PRKG1: variants seen among roughly 807,000 people sequenced by gnomAD.
The protein encoded by PRKG1 is protein kinase cGMP-dependent 1, also known as cGMP-dependent protein kinase 1.
PRKG1 carries 35 observed loss-of-function variants against 88.1 expected under a neutral mutation model. That is an observed-to-expected ratio of 0.40 (90% CI 0.30 to 0.53). PRKG1 has a LOEUF of 0.53. Among genes scored for constraint, PRKG1 ranks in the 20% least tolerant of loss-of-function variants. The pLI, the probability that PRKG1 is intolerant of heterozygous loss-of-function variation, is 0.59. For missense variants in PRKG1, 540 were observed against 839.8 expected (o/e 0.64, Z 4.41); for synonymous variants, 303 against 292.5 (o/e 1.04, Z -0.37).
chr10:52,017,372 G>A (rs1466780850), intron 5 of PRKG1, among the ~76,000 whole-genome samples: 1 of 152,170 alleles, frequency 6.6e-6, no homozygotes, highest in Non-Finnish European at 1.5e-5. Flanking sequence ...TTGAACAGGT[G>A]CATTATGATG....
intron 2 of PRKG1, among the ~76,000 whole-genome samples, chr10:51,226,903 G>A (rs1255345136): frequency 1.3e-5 from 2 of 152,082 alleles, no homozygotes; most frequent in African/African-American, 4.8e-5. Context: ...TTTTTCAGGA[G>A]ATACTCAACT....
chr10:52,084,709 G>T (rs140947520), intron 7 of PRKG1, among the ~76,000 whole-genome samples: 212 of 152,038 alleles, frequency 1.4e-3, no homozygotes, highest in African/African-American at 4.8e-3. Context: ...TGACTATACA[G>T]TTAACAAGTT....
intron 3 of PRKG1, among the ~76,000 whole-genome samples, chr10:51,579,885 A>C (rs1321376546): frequency 1.3e-5 from 2 of 152,156 alleles, no homozygotes; most frequent in East Asian, 3.9e-4. Context: ...AAGAAAATGT[A>C]GATTAAATGG....
intron 2 of PRKG1, among the ~76,000 whole-genome samples, chr10:51,364,796 C>T (rs1000535382): frequency 4.0e-5 from 6 of 151,770 alleles, no homozygotes; most frequent in African/African-American, 1.5e-4. Context: ...GTGGCTTTAT[C>T]ACGATTAGGA....
At position 52,295,530 on chromosome 10, in the gene PRKG1, C is replaced by A. The variant is rs2132471968; in HGVS notation, c.*1630C>A. On this transcript the variant is annotated 3_prime_UTR_variant, in exon 18 of 18. Coordinates refer to ENST00000373980, the MANE Select transcript of PRKG1 (RefSeq NM_006258.4). ...CATAAGTAACTCAGCCATTTGGAAG[C>A]ATTTCCTGGACAAAATTACATTATA... 6.6e-6 allele frequency: 1 copy of A among 152,072 alleles called. No homozygotes were observed. Among genetic ancestry groups the A allele is most frequent in the African/African-American group, 2.4e-5 (1 of 41,538 alleles). The allele number at this position is 152,072 out of a possible 1,614,324, so 9.4% of individuals were successfully genotyped here.
At chr10:51,253,904 T>C (rs16915908) in intron 2 of PRKG1, among the ~76,000 whole-genome samples, 6,178 of 152,066 alleles carry the variant, frequency 0.041, 199 homozygotes, top group African/African-American at 0.089. Flanking sequence ...TATCAACAGT[T>C]GCATATTGTT....
At chr10:51,621,443 T>C (rs546736173) in intron 3 of PRKG1, among the ~76,000 whole-genome samples, 1 of 152,118 alleles carries the variant, frequency 6.6e-6, no homozygotes, top group Non-Finnish European at 1.5e-5. Flanking sequence ...TGTAACTGCA[T>C]TGTCTCAAGA....
intron 5 of PRKG1, among the ~76,000 whole-genome samples, chr10:52,026,450 A>G (rs1230374389): frequency 6.6e-6 from 1 of 152,208 alleles, no homozygotes; most frequent in Admixed American, 6.5e-5. Flanking sequence ...AAGATACCAA[A>G]CACAAAAGAC....
At chr10:51,797,834 A>C (rs1048509943) in intron 3 of PRKG1, among the ~76,000 whole-genome samples, 6 of 151,780 alleles carry the variant, frequency 4.0e-5, no homozygotes, top group African/African-American at 1.2e-4. Flanking sequence ...AGTAACTACT[A>C]TTCTACTTTT....
intron 5 of PRKG1, among the ~76,000 whole-genome samples, chr10:51,942,861 T>C (rs1324233574): frequency 6.6e-6 from 1 of 150,542 alleles, no homozygotes; most frequent in Non-Finnish European, 1.5e-5. Context: ...TGTAGCCTTG[T>C]AGTATAGTTT....
chr10:51,542,503 CTG>C (rs1385383977), intron 3 of PRKG1, among the ~76,000 whole-genome samples: 5 of 152,222 alleles, frequency 3.3e-5, no homozygotes, highest in African/African-American at 1.2e-4. Context: ...AACTGACAAA[CTG>C]TAATCTTTCT....
intron 9 of PRKG1, among the ~76,000 whole-genome samples, chr10:52,206,779 C>T (rs1197207470): frequency 1.3e-5 from 2 of 152,184 alleles, no homozygotes; most frequent in Admixed American, 1.3e-4. Flanking sequence ...AGGTTAGGAA[C>T]CTGCTGCACT....
chr10:51,544,977 A>G (rs1372329436), intron 3 of PRKG1, among the ~76,000 whole-genome samples: 1 of 151,966 alleles, frequency 6.6e-6, no homozygotes, highest in Non-Finnish European at 1.5e-5. Flanking sequence ...AATCAAAACC[A>G]CAATGAGGTT....
Position 52,175,174 on chromosome 10 carries a change from G to A in PRKG1, c.1076+13211G>A, listed in dbSNP as rs544318128. ...TTCCAGCTCCTAGTTTCCTTTGTTT[G>A]ACTTTTTAATTCTATGTGATCAATT... is the stretch of plus-strand genomic sequence containing the variant. On this transcript the variant is annotated intron_variant, in intron 9 of 17. Transcript: ENST00000373980. Among the ~76,000 whole-genome samples, 9 of 152,004 alleles carry A rather than the reference G, an allele frequency of 5.9e-5. No individual in the cohort carries two copies. In the South Asian group the frequency reaches 1.9e-3, roughly 32 times the overall value.
chr10:51,083,231 G>T (rs577138603), intron 1 of PRKG1, among the ~76,000 whole-genome samples: 6 of 152,306 alleles, frequency 3.9e-5, no homozygotes, highest in Non-Finnish European at 7.3e-5. Flanking sequence ...GCTCTGTTCA[G>T]TGGGTAAGTT....
chr10:51,035,874 CTTTATTTA>C (rs369483340), intron 1 of PRKG1, among the ~76,000 whole-genome samples: 65 of 151,908 alleles, frequency 4.3e-4, no homozygotes, highest in Non-Finnish European at 2.4e-4. Flanking sequence ...GAGTACATAC[CTTTATTTA>C]TTTATTTATT....
intron 2 of PRKG1, among the ~76,000 whole-genome samples, chr10:51,197,016 A>T (rs183482489): frequency 8.9e-4 from 136 of 152,092 alleles, no homozygotes; most frequent in Middle Eastern, 3.4e-3. Context: ...GATTATTTAC[A>T]CTTATGCCTT....
rs180758212 is a variant in PRKG1 at position 51,449,548 on chromosome 10, A to T, written c.479-18175A>T. Among the ~76,000 whole-genome samples, 74 of 137,632 alleles carry T rather than the reference A, an allele frequency of 5.4e-4. 2 individuals carry two copies. The highest frequency in any genetic ancestry group is 7.8e-5 in the Non-Finnish European group (5 of 63,980). 90.3% of individuals were successfully genotyped at this position (137,632 alleles called of 152,430 possible). ...TTAAAAATAAAGGCCCAAGGCTAGC[A>T]AACTTCAACATTACTATTTCCTGTG... On this transcript the variant is annotated intron_variant, in intron 2 of 17. Coordinates refer to ENST00000373980, the MANE Select transcript of PRKG1 (RefSeq NM_006258.4).
Position 51,126,457 on chromosome 10 carries a change from ATATT to A in PRKG1, c.312-26699_312-26696del, listed in dbSNP as rs970098070. ...TTTATATAAATATTCATATATTTAT[ATATT>A]TATTTATAATTATATAATCTATTTA... On this transcript the variant is annotated intron_variant, in intron 1 of 17. Transcript: ENST00000373980. Among the ~76,000 whole-genome samples, 26 of 142,450 alleles carry A rather than the reference ATATT, an allele frequency of 1.8e-4. 1 individual carries two copies. The highest frequency in any genetic ancestry group is 1.6e-3 in the Admixed American group (22 of 13,838). 93.5% of individuals were successfully genotyped at this position (142,450 alleles called of 152,430 possible).
Sources: allele counts gnomAD v4.1 joint callset (sites outside exome capture counted in the v4.1 genomes callset), GRCh38; gene constraint gnomAD v4.1.1; transcripts MANE v1.5; gene names NCBI Gene and HGNC (gene_info 2026-07-23, HGNC 2026-07-21).